Variants in ABCD3 observed in about 807,000 individuals in gnomAD.
The protein encoded by ABCD3 is ATP-binding cassette sub-family D member 3.
In ABCD3, 41 loss-of-function variants were observed where a neutral mutation model predicts 105.5. That is an observed-to-expected ratio of 0.39 (90% CI 0.30 to 0.50). The LOEUF (loss-of-function observed/expected upper bound fraction) is 0.50. Ranked by LOEUF, ABCD3 falls within the 20% of genes least tolerant of loss-of-function variation. The pLI is 0.84. For missense variants in ABCD3, 622 were observed against 806.3 expected, an observed-to-expected ratio of 0.77 and a Z score of 2.77; for synonymous variants, 258 against 269.0, an observed-to-expected ratio of 0.96 and a Z score of 0.40.
intron 3 of ABCD3, 126 bp downstream of exon 3, chr1:94,464,999 G>A: frequency 2.5e-6 from 2 of 814,740 alleles, no homozygotes; most frequent in Non-Finnish European, 2.0e-6. Context: ...TACAAGCATG[G>A]CACAGCATCT....
intron 2 of ABCD3, among the ~76,000 whole-genome samples, chr1:94,464,414 C>T (rs918306081): frequency 6.6e-6 from 1 of 151,882 alleles, no homozygotes; most frequent in African/African-American, 2.4e-5. Flanking sequence ...TCTCTGACCT[C>T]GTCCTCTGTG....
At chr1:94,389,910 C>G in the ABCD3 span, among the ~76,000 whole-genome samples, 18 of 152,300 alleles carry the variant, frequency 1.2e-4, no homozygotes, top group Non-Finnish European at 2.5e-4. Context: ...TGATAGATCA[C>G]AGTTATAGTC....
intron 2 of ABCD3, among the ~76,000 whole-genome samples, chr1:94,462,751 C>T (rs1217372477): frequency 6.6e-6 from 1 of 152,136 alleles, no homozygotes; most frequent in Non-Finnish European, 1.5e-5. Context: ...GTCCATTTCA[C>T]CTCAGGATTG....
intron 3 of ABCD3, among the ~76,000 whole-genome samples, chr1:94,465,809 T>C (rs929935750): frequency 6.6e-6 from 1 of 152,214 alleles, no homozygotes; most frequent in African/African-American, 2.4e-5. Context: ...TTAATGATTA[T>C]TAAAATAATG....
chr1:94,405,937 ATTATAT>A, the ABCD3 span, among the ~76,000 whole-genome samples: 1 of 150,362 alleles, frequency 6.7e-6, no homozygotes, highest in Non-Finnish European at 1.5e-5. Flanking sequence ...ATTTTTAAAA[ATTATAT>A]TTATCAATTT....
chr1:94,402,151 G>A, the ABCD3 span, among the ~76,000 whole-genome samples: 103 of 152,290 alleles, frequency 6.8e-4, no homozygotes, highest in Non-Finnish European at 1.4e-3. Flanking sequence ...GAAGAGTAAT[G>A]TTTCATTGTC....
chr1:94,431,028 G>A (rs1659651411), intron 1 of ABCD3, among the ~76,000 whole-genome samples: 1 of 152,056 alleles, frequency 6.6e-6, no homozygotes, highest in African/African-American at 2.4e-5. Context: ...AAATTTGGAT[G>A]CAACTTACAA....
Position 94,487,998 on chromosome 1 carries a change from A to G in ABCD3, c.1157+15A>G. On this transcript the variant is annotated intron_variant, in intron 13 of 22. Transcript: ENST00000370214. ...AGATTGGCCGGGTAAGATTAGTAAT[A>G]ATGAGCTGTTGCAGAAAATAATTTT... is the stretch of plus-strand genomic sequence containing the variant. 6.3e-7 allele frequency: 1 copy of G among 1,582,658 alleles called. No individual in the cohort carries two copies. Among genetic ancestry groups the G allele is most frequent in the Non-Finnish European group, 8.7e-7 (1 of 1,152,082 alleles).
intron 1 of ABCD3, among the ~76,000 whole-genome samples, chr1:94,457,232 A>G (rs1170182262): frequency 1.8e-4 from 27 of 152,250 alleles, no homozygotes; most frequent in Admixed American, 1.7e-3. Context: ...TGCATTTTGT[A>G]TAACAGTTTT....
In ABCD3 at chr1:94,491,242, T is replaced by C. The variant is rs1649523115; in HGVS notation, c.1381T>C (p.Phe461Leu). The C allele has an allele frequency of 6.2e-7, 1 of 1,610,354 alleles. No individual in the cohort carries two copies. The highest frequency in any genetic ancestry group is 8.5e-7 in the Non-Finnish European group (1 of 1,177,042). The part of the protein sequence containing the change: ...NGDVLIRDLN[F>L]EVRSGANVLI... The stretch of plus-strand genomic sequence containing the variant: ...AGATGTTTTGATCCGAGACCTTAAT[T>C]TTGAAGTAAGTTTTTAAATGATCAT... Residue 461 changes from phenylalanine (F) to leucine (L), a missense_variant, in exon 16 of 23, where the codon TTT (phenylalanine) becomes CTT (leucine). Phe to Leu is a conservative substitution (Grantham distance 22). Coordinates refer to ENST00000370214, the MANE Select transcript of ABCD3 (RefSeq NM_002858.4).
the ABCD3 span, chr1:94,406,587 G>A: frequency 3.2e-6 from 1 of 313,594 alleles, no homozygotes; most frequent in Non-Finnish European, 6.1e-6. Flanking sequence ...CTTAGAGTAT[G>A]TAATGATGTA....
At chr1:94,411,031 A>G in the ABCD3 span, among the ~76,000 whole-genome samples, 1 of 152,214 alleles carries the variant, frequency 6.6e-6, no homozygotes, top group African/African-American at 2.4e-5. Context: ...AAAACTAAGA[A>G]GAAAACCTAG....
chr1:94,509,341 T>C (rs552495038), intron 21 of ABCD3, among the ~76,000 whole-genome samples: 69 of 152,366 alleles, frequency 4.5e-4, no homozygotes, highest in Non-Finnish European at 8.7e-4. Context: ...TGAAGCCCAG[T>C]TGATCATGGT....
At chr1:94,491,933 A>G (rs1649553050) in intron 16 of ABCD3, among the ~76,000 whole-genome samples, 1 of 152,088 alleles carries the variant, frequency 6.6e-6, no homozygotes, top group Non-Finnish European at 1.5e-5. Context: ...ACAAATTCCT[A>G]TCACATAGGC....
At chr1:94,415,128 A>G (rs1658974198), upstream of ABCD3, among the ~76,000 whole-genome samples, 1 of 152,238 alleles carries the variant, frequency 6.6e-6, no homozygotes, top group Non-Finnish European at 1.5e-5. Flanking sequence ...ACACCAAGGC[A>G]GAAGCCACAG....
rs182725075 is a variant in ABCD3 at position 94,446,480 on chromosome 1, A to G, written c.111-12127A>G. On this transcript the variant is annotated intron_variant, in intron 1 of 22. Coordinates refer to ENST00000370214, the MANE Select transcript of ABCD3 (RefSeq NM_002858.4). Reference sequence around the variant, plus strand: ...ACAATGGAGAAATTCAAATTGTTACATCTACTTCTGTTCCCTGGAAAGCAG... The same window carrying G: ...ACAATGGAGAAATTCAAATTGTTACGTCTACTTCTGTTCCCTGGAAAGCAG... Among the ~76,000 whole-genome samples the G allele has an allele frequency of 2.0e-3, 307 of 152,356 alleles. 3 individuals are homozygous for G. The highest frequency in any genetic ancestry group is 6.6e-3 in the African/African-American group (276 of 41,596).
In ABCD3 at chr1:94,418,395, C is replaced by G; in HGVS notation, c.-84C>G. ...CCCCGCCCTCTGCTCTCCTCCCAGT[C>G]TCCCCCGCGCTGCGTGCAGTAAGGT... On this transcript the variant is annotated 5_prime_UTR_variant, in exon 1 of 23. Transcript: ENST00000370214. 1 of 1,233,960 alleles carries G rather than the reference C, an allele frequency of 8.1e-7. No individual in the cohort carries two copies. Among genetic ancestry groups the G allele is most frequent in the South Asian group, 1.3e-5 (1 of 77,692 alleles). 76.4% of individuals were successfully genotyped at this position (1,233,960 alleles called of 1,614,324 possible).
upstream of ABCD3, among the ~76,000 whole-genome samples, chr1:94,416,404 T>C (rs1570720530): frequency 6.6e-6 from 1 of 152,202 alleles, no homozygotes; most frequent in African/African-American, 2.4e-5. Context: ...TTACCACATT[T>C]ATACTTGATT....
At chr1:94,470,936 G>T (rs945524740) in intron 4 of ABCD3, among the ~76,000 whole-genome samples, 18 of 152,000 alleles carry the variant, frequency 1.2e-4, no homozygotes, top group African/African-American at 4.3e-4. Context: ...TTTTTAATGT[G>T]TTTTTAGCTC....
Sources: gnomAD v4.1 joint callset for allele counts (sites outside exome capture counted in the v4.1 genomes callset) on GRCh38, gnomAD v4.1.1 for gene constraint, MANE v1.5 for transcripts, NCBI Gene and HGNC (gene_info 2026-07-23, HGNC 2026-07-21) for gene names.